AUTS2: variants seen among roughly 807,000 people sequenced by gnomAD.
The protein encoded by AUTS2 is autism susceptibility gene 2 protein.
AUTS2 carries 17 observed loss-of-function variants against 112.4 expected under a neutral mutation model. That is an observed-to-expected ratio of 0.15 (90% confidence interval 0.10 to 0.23). AUTS2 has a LOEUF of 0.23. Ranked by LOEUF, AUTS2 falls within the 10% of genes least tolerant of loss-of-function variation. The pLI, the probability that AUTS2 is intolerant of heterozygous loss-of-function variation, is 1.00. For synonymous variants in AUTS2, 751 were observed against 702.7 expected, an observed-to-expected ratio of 1.07 and a Z score of -1.09; for missense variants, 1,510 against 1,701.6, an observed-to-expected ratio of 0.89 and a Z score of 1.98.
At chr7:69,904,541 A>T (rs1013446903) in intron 2 of AUTS2, among the ~76,000 whole-genome samples, 1 of 152,228 alleles carries the variant, frequency 6.6e-6, no homozygotes, top group South Asian at 2.1e-4. Flanking sequence ...ATGAAAAGAC[A>T]TGAACTTTGC....
chr7:69,979,454 G>A (rs1410059851), intron 2 of AUTS2, among the ~76,000 whole-genome samples: 3 of 152,166 alleles, frequency 2.0e-5, no homozygotes, highest in Non-Finnish European at 2.9e-5. Context: ...AGTTCCAAGG[G>A]CTTTATTTCC....
chr7:69,764,079 G>A (rs1237619582), intron 1 of AUTS2, among the ~76,000 whole-genome samples: 10 of 152,204 alleles, frequency 6.6e-5, no homozygotes, highest in Admixed American at 6.5e-4. Context: ...CCATACCAAG[G>A]CCACTTGCCC....
intron 5 of AUTS2, among the ~76,000 whole-genome samples, chr7:70,688,444 G>A (rs905389895): frequency 2.0e-5 from 3 of 152,228 alleles, no homozygotes; most frequent in Non-Finnish European, 1.5e-5. Context: ...CTGTGGCATG[G>A]ACAAAGACAA....
chr7:70,132,860 G>T (rs922226828), intron 3 of AUTS2, among the ~76,000 whole-genome samples: 2 of 152,078 alleles, frequency 1.3e-5, no homozygotes, highest in African/African-American at 2.4e-5. Context: ...CAAATCCCAT[G>T]GTCTCTCTGA....
intron 2 of AUTS2, among the ~76,000 whole-genome samples, chr7:70,061,061 G>C (rs1802223625): frequency 6.6e-6 from 1 of 152,218 alleles, no homozygotes; most frequent in Non-Finnish European, 1.5e-5. Flanking sequence ...GGATAAATCT[G>C]TAGGTTCTTT....
intron 2 of AUTS2, among the ~76,000 whole-genome samples, chr7:70,010,935 G>C (rs975356606): frequency 1.3e-5 from 2 of 152,192 alleles, no homozygotes; most frequent in Non-Finnish European, 2.9e-5. Flanking sequence ...AAGCTTCATT[G>C]TTGGGCAGCC....
At chr7:70,117,114 TTTGTTTTTTTTTGTTTTTTTTTG>T (rs1805407377) in intron 2 of AUTS2, among the ~76,000 whole-genome samples, 3 of 107,482 alleles carry the variant, frequency 2.8e-5, no homozygotes, top group African/African-American at 1.4e-4. Flanking sequence ...GTTTTTTTTT[TTTGTTTTTTTTTGTTTTTTTTTG>T]TTTTTTTTTT....
intron 2 of AUTS2, among the ~76,000 whole-genome samples, chr7:70,036,210 T>C (rs1383512905): frequency 6.6e-6 from 1 of 152,202 alleles, no homozygotes; most frequent in Non-Finnish European, 1.5e-5. Flanking sequence ...AAAGCCAGTG[T>C]GGCTTGAAGC....
intron 5 of AUTS2, among the ~76,000 whole-genome samples, chr7:70,572,313 C>T (rs1343519117): frequency 6.6e-6 from 1 of 152,084 alleles, no homozygotes; most frequent in Non-Finnish European, 1.5e-5. Flanking sequence ...TACAGGGTCA[C>T]CTTTGTGGAC....
chr7:70,679,931 G>A (rs1429329927), intron 5 of AUTS2, among the ~76,000 whole-genome samples: 2 of 152,202 alleles, frequency 1.3e-5, no homozygotes, highest in African/African-American at 2.4e-5. Flanking sequence ...ACACAAAGCT[G>A]ACAAATGTGT....
Position 69,623,643 on chromosome 7 carries a change from C to T in AUTS2, c.309+23681C>T, listed in dbSNP as rs139471409. 2.8e-3 allele frequency among the ~76,000 whole-genome samples: 431 copies of T among 152,066 alleles called. 1 individual carries two copies. The highest frequency in any genetic ancestry group is 0.01 in the Middle Eastern group (3 of 294). On this transcript the variant is annotated intron_variant, in intron 1 of 18. Transcript: ENST00000342771. Reference sequence around the variant, plus strand: ...AATATTTTTGAGTGTTTTCCTGGGGCAGTGGTAATGGTGATGGTTTACAAT... The same window carrying T: ...AATATTTTTGAGTGTTTTCCTGGGGTAGTGGTAATGGTGATGGTTTACAAT...
intron 4 of AUTS2, among the ~76,000 whole-genome samples, chr7:70,205,164 C>T (rs908514312): frequency 6.6e-6 from 1 of 152,128 alleles, no homozygotes; most frequent in African/African-American, 2.4e-5. Context: ...CCTCAGCCTC[C>T]CAAGAAGCTG....
intron 5 of AUTS2, among the ~76,000 whole-genome samples, chr7:70,483,699 C>T (rs572112115): frequency 7.2e-5 from 11 of 152,176 alleles, no homozygotes; most frequent in Non-Finnish European, 1.3e-4. Flanking sequence ...TGGAGGAGAA[C>T]GGCATTCCGC....
At chr7:70,640,163 C>T (rs1805737335) in intron 5 of AUTS2, among the ~76,000 whole-genome samples, 1 of 151,874 alleles carries the variant, frequency 6.6e-6, no homozygotes, top group African/African-American at 2.4e-5. Flanking sequence ...CTCGGGGAGG[C>T]TGTGATGTAT....
chr7:69,893,691 T>G (rs1475645081), intron 1 of AUTS2, among the ~76,000 whole-genome samples: 2 of 152,170 alleles, frequency 1.3e-5, no homozygotes, highest in African/African-American at 4.8e-5. Context: ...TCAGGTTAGT[T>G]TGCTTGGAAA....
intron 2 of AUTS2, among the ~76,000 whole-genome samples, chr7:69,918,933 T>G (rs980853491): frequency 2.6e-5 from 4 of 152,340 alleles, no homozygotes; most frequent in African/African-American, 9.6e-5. Flanking sequence ...AGCAGTAATT[T>G]AAGAAAAATC....
At chr7:69,703,398 A>G (rs959558261) in intron 1 of AUTS2, among the ~76,000 whole-genome samples, 1 of 152,216 alleles carries the variant, frequency 6.6e-6, no homozygotes, top group African/African-American at 2.4e-5. Flanking sequence ...GGATCTCCTC[A>G]CACCTGCACT....
intron 1 of AUTS2, among the ~76,000 whole-genome samples, chr7:69,684,953 C>T (rs577420326): frequency 6.6e-6 from 1 of 152,176 alleles, no homozygotes. Flanking sequence ...GTTCAGACTA[C>T]CTCATTGATT....
At chr7:70,425,941 T>C (rs981300025) in intron 4 of AUTS2, among the ~76,000 whole-genome samples, 1 of 152,230 alleles carries the variant, frequency 6.6e-6, no homozygotes, top group Non-Finnish European at 1.5e-5. Context: ...TATGTACTTA[T>C]ACAAATTATA....
Sources: allele counts gnomAD v4.1 joint callset (sites outside exome capture counted in the v4.1 genomes callset), GRCh38; gene constraint gnomAD v4.1.1; transcripts MANE v1.5; gene names NCBI Gene and HGNC (gene_info 2026-07-23, HGNC 2026-07-21).